ENOX1: variants seen among roughly 807,000 people sequenced by gnomAD.
ENOX1 encodes ecto-NOX disulfide-thiol exchanger 1.
In ENOX1, 42 loss-of-function variants were observed where a neutral mutation model predicts 82.5. The observed-to-expected ratio is 0.51, with a 90% CI of 0.40 to 0.66. ENOX1 has a LOEUF of 0.66. ENOX1 is among the 30% of genes least tolerant of loss of function. ENOX1 has a pLI of 0.00. For missense variants in ENOX1, 608 were observed against 811.6 expected (o/e 0.75, Z 3.05); for synonymous variants, 271 against 282.2 (o/e 0.96, Z 0.40).
chr13:43,680,772 C>T (rs1469564934), intron 1 of ENOX1, among the ~76,000 whole-genome samples: 1 of 152,110 alleles, frequency 6.6e-6, no homozygotes, highest in Non-Finnish European at 1.5e-5. Context: ...GAACATACAA[C>T]CCATGAACTA....
chr13:43,422,731 G>A (rs1484426047), intron 3 of ENOX1, among the ~76,000 whole-genome samples: 1 of 152,062 alleles, frequency 6.6e-6, no homozygotes, highest in Non-Finnish European at 1.5e-5. Context: ...AGCATGTGCA[G>A]GACAGCAGAG....
intron 3 of ENOX1, among the ~76,000 whole-genome samples, chr13:43,476,776 A>G (rs1369692121): frequency 6.6e-6 from 1 of 152,216 alleles, no homozygotes; most frequent in Non-Finnish European, 1.5e-5. Flanking sequence ...GTTAGGAAGA[A>G]GGAAGTGAGA....
chr13:43,647,804 A>T (rs1470512031), intron 2 of ENOX1, among the ~76,000 whole-genome samples: 1 of 152,202 alleles, frequency 6.6e-6, no homozygotes, highest in Non-Finnish European at 1.5e-5. Flanking sequence ...TGGAGATGGG[A>T]GATTATCCTG....
chr13:43,705,605 A>C (rs2153810773), intron 1 of ENOX1, among the ~76,000 whole-genome samples: 1 of 152,184 alleles, frequency 6.6e-6, no homozygotes, highest in East Asian at 1.9e-4. Context: ...CATAATGACA[A>C]GGGGGTGTTA....
chr13:43,295,161 A>C (rs1333169533), intron 12 of ENOX1, among the ~76,000 whole-genome samples: 1 of 152,228 alleles, frequency 6.6e-6, no homozygotes, highest in Non-Finnish European at 1.5e-5. Context: ...CTGAAGAAAA[A>C]TAAGAGTTTA....
intron 14 of ENOX1, among the ~76,000 whole-genome samples, chr13:43,260,239 T>C (rs1184290820): frequency 6.6e-6 from 1 of 152,260 alleles, no homozygotes; most frequent in Non-Finnish European, 1.5e-5. Flanking sequence ...GAGGATTTAC[T>C]TTCTTAAGGA....
Position 43,669,695 on chromosome 13 carries a change from C to T in ENOX1, c.-284-2151G>A, listed in dbSNP as rs192278496. Among the ~76,000 whole-genome samples the T allele has an allele frequency of 2.6e-4, 40 of 152,184 alleles. 4 individuals are homozygous for T. Among genetic ancestry groups the T allele is most frequent in the South Asian group, 1.0e-3 (5 of 4,806 alleles). Reference sequence around the variant, plus strand: ...TCAAATCCCTGTTATCAGTACATAACCTGTCTTCCCAAGCATAGAGCTTAG... The same window carrying T: ...TCAAATCCCTGTTATCAGTACATAATCTGTCTTCCCAAGCATAGAGCTTAG... On this transcript the variant is annotated intron_variant, in intron 1 of 16. Transcript: ENST00000690772.
At chr13:43,727,319 C>A (rs2089045995) in intron 1 of ENOX1, among the ~76,000 whole-genome samples, 2 of 152,316 alleles carry the variant, frequency 1.3e-5, no homozygotes, top group South Asian at 4.1e-4. Flanking sequence ...GTCCCCTCCA[C>A]CCCCAGCTGA....
At chr13:43,246,614 AAGGC>A (rs759295500) in intron 14 of ENOX1, among the ~76,000 whole-genome samples, 2 of 152,206 alleles carry the variant, frequency 1.3e-5, no homozygotes, top group Non-Finnish European at 2.9e-5. Flanking sequence ...AGGGATTTCA[AAGGC>A]AGAGTGCTGG....
At chr13:43,716,676 A>C (rs2088158988) in intron 1 of ENOX1, among the ~76,000 whole-genome samples, 1 of 152,182 alleles carries the variant, frequency 6.6e-6, no homozygotes, top group African/African-American at 2.4e-5. Flanking sequence ...AAACTAATTC[A>C]GTTAAATTTC....
At chr13:43,285,336 G>A (rs528698229) in intron 12 of ENOX1, among the ~76,000 whole-genome samples, 18 of 152,246 alleles carry the variant, frequency 1.2e-4, no homozygotes, top group African/African-American at 4.1e-4. Flanking sequence ...AAGGCTATAT[G>A]TAAATGTTAG....
rs35359203 is a variant in ENOX1 at position 43,772,749 on chromosome 13, T to TAAAA, written c.-285+13899_-285+13902dup. ...GGGCGACAGAGCAAGACTCTGTCTT[T>TAAAA]AAAAAAAAAAAAAAAAAAAAAAGAA... On this transcript the variant is annotated intron_variant, in intron 1 of 16. Transcript: ENST00000690772. Among the ~76,000 whole-genome samples, 801 of 112,054 alleles carry TAAAA rather than the reference T, an allele frequency of 7.1e-3. 17 individuals are homozygous for TAAAA. The highest frequency in any genetic ancestry group is 0.029 in the African/African-American group (752 of 25,900). The allele number at this position is 112,054 out of a possible 152,430, so 73.5% of individuals were successfully genotyped here. A position where few individuals can be genotyped will look rare whatever the true frequency, so the allele number is the denominator to read the frequency against.
chr13:43,611,297 T>C (rs1203517670), intron 2 of ENOX1, among the ~76,000 whole-genome samples: 3 of 152,156 alleles, frequency 2.0e-5, no homozygotes, highest in Non-Finnish European at 2.9e-5. Flanking sequence ...AGAATTACAA[T>C]AGTATAAAGA....
chr13:43,339,199 C>G (rs1274702657), intron 9 of ENOX1, among the ~76,000 whole-genome samples: 1 of 152,166 alleles, frequency 6.6e-6, no homozygotes, highest in Non-Finnish European at 1.5e-5. Context: ...ACAACTTTTT[C>G]TTTATGTTAT....
intron 1 of ENOX1, among the ~76,000 whole-genome samples, chr13:43,706,366 A>G (rs947452809): frequency 6.6e-6 from 1 of 151,992 alleles, no homozygotes; most frequent in Non-Finnish European, 1.5e-5. Context: ...GGAAAAAAAA[A>G]GAAAGAAAGA....
At chr13:43,499,745 T>C (rs1186910973) in intron 2 of ENOX1, among the ~76,000 whole-genome samples, 1 of 151,162 alleles carries the variant, frequency 6.6e-6, no homozygotes, top group Non-Finnish European at 1.5e-5. Flanking sequence ...AAAATAAAGC[T>C]CCAGTAACCA....
chr13:43,650,302 C>T (rs1296764047), intron 2 of ENOX1, among the ~76,000 whole-genome samples: 1 of 152,146 alleles, frequency 6.6e-6, no homozygotes, highest in Non-Finnish European at 1.5e-5. Context: ...GTAGCATATT[C>T]TTCTTTGCTT....
At chr13:43,649,616 C>A (rs1206815508) in intron 2 of ENOX1, among the ~76,000 whole-genome samples, 1 of 152,132 alleles carries the variant, frequency 6.6e-6, no homozygotes. Flanking sequence ...TTTCCAACTT[C>A]ATCATATAAT....
intron 5 of ENOX1, among the ~76,000 whole-genome samples, chr13:43,405,352 G>A (rs749624447): frequency 2.6e-5 from 4 of 152,070 alleles, no homozygotes; most frequent in Non-Finnish European, 5.9e-5. Flanking sequence ...TGGGCGTTAC[G>A]GTCCCCAGGG....
Sources: allele counts gnomAD v4.1 joint callset (sites outside exome capture counted in the v4.1 genomes callset), GRCh38; gene constraint gnomAD v4.1.1; transcripts MANE v1.5; gene names NCBI Gene and HGNC (gene_info 2026-07-23, HGNC 2026-07-21).